Variants in RALGDS observed in about 807,000 individuals in gnomAD.
RALGDS encodes ral guanine nucleotide dissociation stimulator.
In RALGDS, 44 loss-of-function variants were observed where a neutral mutation model predicts 99.8. That is an observed-to-expected ratio of 0.44 (90% CI 0.35 to 0.57). The LOEUF (loss-of-function observed/expected upper bound fraction) is 0.57. Among genes scored for constraint, RALGDS ranks in the 20% least tolerant of loss-of-function variants. The pLI is 0.01. For synonymous variants in RALGDS, 529 were observed against 505.0 expected (o/e 1.05, Z -0.64); for missense variants, 1,022 against 1,203.1 (o/e 0.85, Z 2.23).
chr9:133,102,609 C>T, intron 13 of RALGDS, 38 bp from the exon 14 acceptor site: 2 of 1,609,450 alleles, frequency 1.2e-6, no homozygotes, highest in Non-Finnish European at 1.7e-6. Flanking sequence ...AACCAGGGGC[C>T]ATGCTCCGGC....
chr9:133,141,493 G>A (rs908188075), intron 1 of RALGDS, among the ~76,000 whole-genome samples: 4 of 151,574 alleles, frequency 2.6e-5, no homozygotes, highest in Non-Finnish European at 4.4e-5. Context: ...CAGCAACTGC[G>A]GGGACCTCAG....
At chr9:133,137,955 G>A (rs567431563) in intron 1 of RALGDS, among the ~76,000 whole-genome samples, 1 of 152,328 alleles carries the variant, frequency 6.6e-6, no homozygotes, top group African/African-American at 2.4e-5. Flanking sequence ...GGCCCTGGTC[G>A]CCCAGTGCGC....
At chr9:133,127,107 C>T (rs554687170) in intron 1 of RALGDS, among the ~76,000 whole-genome samples, 1 of 152,248 alleles carries the variant, frequency 6.6e-6, no homozygotes, top group Admixed American at 6.5e-5. Context: ...TCCTTCCACC[C>T]ATTCCTTGGC....
upstream of RALGDS, among the ~76,000 whole-genome samples, chr9:133,123,987 G>GACAC (rs145847951): frequency 1.3e-5 from 1 of 79,698 alleles, no homozygotes; most frequent in African/African-American, 4.0e-5. Context: ...CAGAGACACA[G>GACAC]ACACACACAC....
At chr9:133,147,628 C>T (rs764812688) in intron 1 of RALGDS, among the ~76,000 whole-genome samples, 1 of 152,140 alleles carries the variant, frequency 6.6e-6, no homozygotes, top group Non-Finnish European at 1.5e-5. Context: ...CCAGAGGGAC[C>T]CTGCCGGGCT....
In RALGDS at chr9:133,102,075, G is replaced by C. The variant is rs1830784678; in HGVS notation, c.2074C>G (p.Leu692Val). 1.3e-6 allele frequency: 2 copies of C among 1,571,198 alleles called. No homozygotes were observed. The highest frequency in any genetic ancestry group is 1.7e-6 in the Non-Finnish European group (2 of 1,157,824). The change falls in exon 15 of 18, where the codon CTC (leucine) becomes GTC (valine). Residue 692 changes from leucine to valine, a missense_variant. By Grantham distance (32) the Leu-to-Val change is conservative. Around this residue, in one of 3 missense-constraint regions of RALGDS, gnomAD observed 825 missense variants for 994.5 expected, o/e 0.83. Transcript: ENST00000372050. ...CTGCTGAGGTAGGGGCCACACCTGA[G>C]CTGGTCACAGGACTTGGAGTGGGAG... is the stretch of plus-strand genomic sequence containing the variant. ...GSSHSKSCDQ[L>V]RCGPYLSSGD... is the part of the protein sequence containing the mutation.
In RALGDS at chr9:133,106,652, C is replaced by T. The variant is rs750638597; in HGVS notation, c.1510G>A (p.Val504Ile). ...IHRLKKTWEDVSRDSFRIFQK... is the reference protein window; with the variant it reads ...IHRLKKTWEDISRDSFRIFQK... ...CTACAGAGGCATGCCCACCTGGAAA[C>T]GTCTTCCCACGTCTTCTTCAGACGG... is the stretch of plus-strand genomic sequence containing the variant. Residue 504 changes from valine to isoleucine, a missense_variant, in exon 8 of 18, where the codon GTT (valine) becomes ATT (isoleucine). Val to Ile is a conservative substitution (Grantham distance 29). This residue lies in a region of RALGDS where 825 missense variants were observed against 994.5 expected (regional missense o/e 0.83). Coordinates refer to ENST00000372050, the MANE Select transcript of RALGDS (RefSeq NM_006266.4). 2.1e-5 allele frequency: 34 copies of T among 1,606,952 alleles called. No homozygotes were observed. Among genetic ancestry groups the T allele is most frequent in the Admixed American group, 3.4e-5 (2 of 59,684 alleles).
chr9:133,118,382 C>A (rs1831726237), intron 1 of RALGDS, among the ~76,000 whole-genome samples: 1 of 152,200 alleles, frequency 6.6e-6, no homozygotes. Flanking sequence ...TACAGAGAAG[C>A]CCTCTTCACT....
intron 1 of RALGDS, among the ~76,000 whole-genome samples, chr9:133,141,712 G>A (rs906614186): frequency 1.3e-5 from 2 of 152,212 alleles, no homozygotes; most frequent in South Asian, 2.1e-4. Context: ...CTGCCCCAAG[G>A]CCCCAGTAGG....
intron 2 of RALGDS, among the ~76,000 whole-genome samples, chr9:133,111,124 C>T (rs1192525578): frequency 6.6e-6 from 1 of 152,226 alleles, no homozygotes; most frequent in East Asian, 1.9e-4. Context: ...GATTTAAATA[C>T]TGACACCTTC....
Position 133,121,030 on chromosome 9 carries a change from C to T in RALGDS, c.125G>A (p.Ser42Asn). ...GAAGCTGTGCAGCACCACCGGGCAGCTGTCGGGGACGCCCACCTCCAGGCG... is the reference window on the plus strand; with the variant it reads ...GAAGCTGTGCAGCACCACCGGGCAGTTGTCGGGGACGCCCACCTCCAGGCG... ...AVRLEVGVPD[S>N]CPVVLHSFTQ... is the part of the protein sequence containing the mutation. Residue 42 changes from serine (S) to asparagine (N), a missense_variant, in exon 1 of 18, where the codon AGC becomes AAC. This residue lies in a region of RALGDS where 180 missense variants were observed against 169.3 expected (regional missense o/e 1.06). Coordinates refer to ENST00000372050, the MANE Select transcript of RALGDS (RefSeq NM_006266.4). The T allele has an allele frequency of 2.7e-6, 4 of 1,495,798 alleles. No individual in the cohort carries two copies. Among genetic ancestry groups the T allele is most frequent in the Non-Finnish European group, 3.5e-6 (4 of 1,129,044 alleles). 92.7% of individuals were successfully genotyped at this position (1,495,798 alleles called of 1,614,324 possible).
chr9:133,126,618 C>T (rs753817384), intron 1 of RALGDS, among the ~76,000 whole-genome samples: 19 of 152,184 alleles, frequency 1.2e-4, no homozygotes, highest in Non-Finnish European at 2.6e-4. Context: ...GTGCCCAGTG[C>T]CCGACACCCT....
intron 1 of RALGDS, among the ~76,000 whole-genome samples, chr9:133,118,194 T>A (rs138076217): frequency 2.2e-4 from 34 of 152,270 alleles, no homozygotes; most frequent in African/African-American, 8.2e-4. Context: ...AAGACCACAG[T>A]CTGTACACAT....
chr9:133,107,637 C>T (rs773030555), intron 6 of RALGDS, among the ~76,000 whole-genome samples: 49 of 152,208 alleles, frequency 3.2e-4, no homozygotes, highest in Non-Finnish European at 4.7e-4. Context: ...CCAGGACACA[C>T]CAAGTGCCTA....
chr9:133,108,156 T>C lies in RALGDS; in HGVS notation c.1029A>G (p.Pro343=), dbSNP rs1377908856. 1.2e-6 allele frequency: 2 copies of C among 1,613,176 alleles called. No individual in the cohort carries two copies. The highest frequency in any genetic ancestry group is 1.3e-5 in the African/African-American group (1 of 74,878). ...CCAGCTCTAGAGTTTGTGAGGGAGC[T>C]GGATCCTGTTCTGGAGCTGGCTCTA... is the stretch of plus-strand genomic sequence containing the variant. ...LELEPAPEQD[P]APSQTLELEP... The change falls in exon 6 of 18, where the codon CCA becomes CCG. Residue 343 remains proline, a synonymous_variant. Transcript: ENST00000372050.
chr9:133,106,172 G>C (rs1184488982), intron 8 of RALGDS, among the ~76,000 whole-genome samples, 156 bp from the exon 9 acceptor site: 1 of 151,732 alleles, frequency 6.6e-6, no homozygotes, highest in Middle Eastern at 3.4e-3. Context: ...TCTGGGGAGG[G>C]GGCCTTCATG....
chr9:133,126,608 G>A (rs1293783343), intron 1 of RALGDS, among the ~76,000 whole-genome samples: 2 of 152,160 alleles, frequency 1.3e-5, no homozygotes, highest in Non-Finnish European at 2.9e-5. Flanking sequence ...CACTCCCGCA[G>A]TGCCCAGTGC....
chr9:133,097,825 T>G lies in RALGDS; in HGVS notation c.*762A>C, dbSNP rs1392393310. ...TCAGTAAACAAACATTTTTTTTTTC[T>G]TTTTGCTTTTTATACAAATATTCAA... On this transcript the variant is annotated 3_prime_UTR_variant, in exon 18 of 18. Transcript: ENST00000372050. 1 of 226,996 alleles carries G rather than the reference T, an allele frequency of 4.4e-6. No homozygotes were observed. The highest frequency in any genetic ancestry group is 6.3e-5 in the East Asian group (1 of 15,842). The allele number at this position is 226,996 out of a possible 1,614,324, so 14.1% of individuals were successfully genotyped here.
rs776747723 is a variant in RALGDS, at chr9:133,148,965, G to A, written c.16C>T (p.Gln6Ter). The stretch of plus-strand genomic sequence containing the variant: ...GGCTGGGGACGGCGCGCACTCACCT[G>A]GCAATCTACCATCATCCTCAGCCTC... The change falls in exon 1 of 18, where the codon CAG (glutamine) becomes TAG (stop). Residue 6 changes from glutamine (Q) to a stop codon, truncating the protein, a stop_gained and splice_region_variant. Coordinates refer to the RALGDS transcript ENST00000393160. LOFTEE classifies it high-confidence loss of function. The A allele has an allele frequency of 6.2e-7, 1 of 1,602,208 alleles. No homozygotes were observed.
Sources: allele counts gnomAD v4.1 joint callset (sites outside exome capture counted in the v4.1 genomes callset), GRCh38; gene constraint gnomAD v4.1.1; regional missense constraint gnomAD v4.1.1; transcripts MANE v1.5; gene names NCBI Gene and HGNC (gene_info 2026-07-23, HGNC 2026-07-21).